Variants in TAF3 observed in about 807,000 individuals in gnomAD.
TAF3 encodes transcription initiation factor TFIID subunit 3.
TAF3 carries 7 observed loss-of-function variants against 80.6 expected under a neutral mutation model. The observed-to-expected ratio is 0.09, with a 90% CI of 0.05 to 0.16. TAF3 has a LOEUF of 0.16. Among genes scored for constraint, TAF3 ranks in the 10% least tolerant of loss-of-function variants. The pLI, the probability that TAF3 is intolerant of heterozygous loss-of-function variation, is 1.00. For synonymous variants in TAF3, 444 were observed against 446.1 expected (o/e 1.00, Z 0.06); for missense variants, 921 against 1,140.2 (o/e 0.81, Z 2.77).
chr10:7,994,817 A>G (rs1326964309), intron 4 of TAF3, among the ~76,000 whole-genome samples: 1 of 151,196 alleles, frequency 6.6e-6, no homozygotes, highest in African/African-American at 2.4e-5. Flanking sequence ...ACCAAAAAAA[A>G]AAAAAAAAAT....
intron 2 of TAF3, among the ~76,000 whole-genome samples, chr10:7,840,991 A>G (rs1353163422): frequency 6.6e-6 from 1 of 152,002 alleles, no homozygotes; most frequent in Non-Finnish European, 1.5e-5. Flanking sequence ...CTGGGATTAC[A>G]GGCACACGCT....
rs143396388 is a variant in TAF3, at chr10:7,870,032, A to C, written c.409+45472A>C. 3.7e-3 allele frequency among the ~76,000 whole-genome samples: 564 copies of C among 152,340 alleles called. 4 individuals are homozygous for C. The highest frequency in any genetic ancestry group is 0.019 in the South Asian group (94 of 4,822). On this transcript the variant is annotated intron_variant, in intron 2 of 6. Transcript: ENST00000344293. ...GGGATTTCAGGTGAGCATCTTTAAA[A>C]AAATTAGATAATTAGGAGAAATGAA...
chr10:7,849,204 A>G (rs1444745593), intron 2 of TAF3, among the ~76,000 whole-genome samples: 1 of 152,204 alleles, frequency 6.6e-6, no homozygotes, highest in East Asian at 1.9e-4. Context: ...GATGAGGGAA[A>G]TAAAGTGTAG....
intron 4 of TAF3, among the ~76,000 whole-genome samples, chr10:7,998,241 CTATATATATATATATATATATATGTA>C (rs1195884804): frequency 6.7e-5 from 9 of 134,436 alleles, no homozygotes; most frequent in African/African-American, 1.9e-4. Flanking sequence ...TGAGTGAGAA[CTATATATATATATATATATATATGTA>C]TATATATATA....
At chr10:7,876,450 A>G (rs1837312860) in intron 2 of TAF3, among the ~76,000 whole-genome samples, 1 of 152,304 alleles carries the variant, frequency 6.6e-6, no homozygotes, top group East Asian at 1.9e-4. Flanking sequence ...TTGTTTTCTA[A>G]AAGTTTTCTT....
chr10:7,958,080 C>T (rs945799147), intron 2 of TAF3, among the ~76,000 whole-genome samples: 1 of 152,140 alleles, frequency 6.6e-6, no homozygotes, highest in Admixed American at 6.5e-5. Flanking sequence ...TCATTATACA[C>T]ATGCATGCAA....
chr10:7,819,519 G>A (rs946478508), intron 1 of TAF3, among the ~76,000 whole-genome samples: 2 of 152,224 alleles, frequency 1.3e-5, no homozygotes, highest in Non-Finnish European at 2.9e-5. Flanking sequence ...ATCGAAGTAG[G>A]ATAGAGGGAC....
chr10:7,906,623 C>A (rs562958804), intron 2 of TAF3, among the ~76,000 whole-genome samples: 211 of 151,462 alleles, frequency 1.4e-3, no homozygotes, highest in Non-Finnish European at 2.7e-3. Flanking sequence ...GCTCCTTATA[C>A]TTTTTTTTTC....
At chr10:7,826,194 C>T (rs1836738976) in intron 2 of TAF3, among the ~76,000 whole-genome samples, 1 of 152,172 alleles carries the variant, frequency 6.6e-6, no homozygotes, top group African/African-American at 2.4e-5. Flanking sequence ...TGCTCTGGAT[C>T]TTAGCTGCAG....
chr10:7,966,193 C>T (rs1216224061), intron 3 of TAF3, among the ~76,000 whole-genome samples: 1 of 152,226 alleles, frequency 6.6e-6, no homozygotes, highest in African/African-American at 2.4e-5. Context: ...GGAAGGACCA[C>T]TGCCTTGGTT....
At position 7,818,553 on chromosome 10, in the gene TAF3, T is replaced by C. The variant is rs1836653565; in HGVS notation, c.-157T>C. ...AATGGCGGCTCTCAGGCTGGCGCGC[T>C]CCGTGCTGCTGGGGCTTTGAGGTGG... On this transcript the variant is annotated 5_prime_UTR_variant, in exon 1 of 7. Coordinates refer to ENST00000344293, the MANE Select transcript of TAF3 (RefSeq NM_031923.4). 8 of 713,700 alleles carry C rather than the reference T, an allele frequency of 1.1e-5. No homozygotes were observed. The highest frequency in any genetic ancestry group is 1.7e-5 in the Non-Finnish European group (8 of 477,706). 44.2% of individuals were successfully genotyped at this position (713,700 alleles called of 1,614,324 possible).
At chr10:7,967,831 A>C (rs1217168897) in intron 3 of TAF3, among the ~76,000 whole-genome samples, 1 of 152,216 alleles carries the variant, frequency 6.6e-6, no homozygotes, top group African/African-American at 2.4e-5. Context: ...AGCCTGTGTT[A>C]ATATGGGCAG....
intron 2 of TAF3, among the ~76,000 whole-genome samples, chr10:7,873,322 G>A (rs988817205): frequency 2.0e-5 from 3 of 152,044 alleles, no homozygotes; most frequent in African/African-American, 7.2e-5. Context: ...TTAAAAGGTG[G>A]AAAACGGCTT....
At chr10:7,878,317 A>C (rs1167880004) in intron 2 of TAF3, among the ~76,000 whole-genome samples, 2 of 152,212 alleles carry the variant, frequency 1.3e-5, no homozygotes. Flanking sequence ...AATGAATAAA[A>C]GGCTCTCCAA....
At chr10:7,876,472 A>G (rs970088120) in intron 2 of TAF3, among the ~76,000 whole-genome samples, 1 of 152,212 alleles carries the variant, frequency 6.6e-6, no homozygotes, top group Non-Finnish European at 1.5e-5. Flanking sequence ...TTGGTTTTAT[A>G]AGAATCGAAT....
chr10:7,922,516 C>T (rs1837772782), intron 2 of TAF3, among the ~76,000 whole-genome samples: 1 of 152,030 alleles, frequency 6.6e-6, no homozygotes, highest in African/African-American at 2.4e-5. Context: ...CAAATTACAA[C>T]GTGCTGATTA....
At chr10:7,958,893 G>A (rs1421846062) in intron 2 of TAF3, among the ~76,000 whole-genome samples, 2 of 152,146 alleles carry the variant, frequency 1.3e-5, no homozygotes, top group African/African-American at 4.8e-5. Context: ...CCAGCACTTT[G>A]GGAGGCTGAG....
At chr10:7,828,251 A>G (rs1350719107) in intron 2 of TAF3, among the ~76,000 whole-genome samples, 2 of 152,170 alleles carry the variant, frequency 1.3e-5, no homozygotes, top group Non-Finnish European at 2.9e-5. Context: ...CTCTGAAAAA[A>G]AGAGACGAAT....
intron 2 of TAF3, among the ~76,000 whole-genome samples, chr10:7,899,190 T>C (rs1379885261): frequency 6.6e-6 from 1 of 152,190 alleles, no homozygotes; most frequent in East Asian, 1.9e-4. Context: ...GGGCCTCACC[T>C]ACATCCTTGC....
Sources: gnomAD v4.1 joint callset for allele counts (sites outside exome capture counted in the v4.1 genomes callset) on GRCh38, gnomAD v4.1.1 for gene constraint, MANE v1.5 for transcripts, NCBI Gene and HGNC (gene_info 2026-07-23, HGNC 2026-07-21) for gene names.